The following TNR variants were observed in gnomAD, a reference collection of about 807,000 sequenced individuals.
TNR encodes the protein tenascin R.
A neutral mutation model predicts 150.4 loss-of-function variants in TNR; 45 were observed. The ratio of observed to expected loss-of-function variants is 0.30; its 90% CI spans 0.24 to 0.38. The LOEUF is 0.38. TNR is among the 10% of genes least tolerant of loss of function. TNR has a pLI of 1.00. For missense variants in TNR, 1,544 were observed against 1,759.1 expected (o/e 0.88, Z 2.19); for synonymous variants, 687 against 678.4 (o/e 1.01, Z -0.20).
At chr1:175,360,813 A>G (rs757547580) in intron 14 of TNR, among the ~76,000 whole-genome samples, 4 of 152,232 alleles carry the variant, frequency 2.6e-5, no homozygotes, top group Non-Finnish European at 5.9e-5. Context: ...TGAGACATGC[A>G]TGATACCACG....
chr1:175,431,911 A>ATCTCTCTCTCTCTCTCTCTCTCTCCT (rs1553221254), intron 2 of TNR, among the ~76,000 whole-genome samples: 1 of 136,470 alleles, frequency 7.3e-6, no homozygotes, highest in African/African-American at 3.0e-5. Flanking sequence ...GGACCATAAT[A>ATCTCTCTCTCTCTCTCTCTCTCTCCT]TCTCTCTCTC....
At chr1:175,662,155 G>A (rs1371077968) in intron 1 of TNR, among the ~76,000 whole-genome samples, 1 of 152,190 alleles carries the variant, frequency 6.6e-6, no homozygotes. Flanking sequence ...AATAGTAGTT[G>A]TCAGAAATCC....
chr1:175,362,626 A>T (rs1313398612), intron 14 of TNR, 37 bp downstream of exon 14: 1 of 1,598,740 alleles, frequency 6.3e-7, no homozygotes, highest in South Asian at 1.1e-5. Flanking sequence ...ATCTTCAGCC[A>T]GGGTTCTGAC....
intron 1 of TNR, among the ~76,000 whole-genome samples, chr1:175,579,292 T>C (rs184143353): frequency 4.5e-4 from 68 of 152,184 alleles, no homozygotes; most frequent in Admixed American, 1.8e-3. Context: ...CATCATTATA[T>C]AACACAAGAT....
chr1:175,672,920 G>A (rs902948717), intron 1 of TNR, among the ~76,000 whole-genome samples: 1 of 152,096 alleles, frequency 6.6e-6, no homozygotes, highest in Non-Finnish European at 1.5e-5. Context: ...TTCCAAGTCT[G>A]CATGTCTCTG....
intron 1 of TNR, among the ~76,000 whole-genome samples, chr1:175,725,986 C>T (rs1303697351): frequency 1.3e-5 from 2 of 152,086 alleles, no homozygotes; most frequent in Non-Finnish European, 2.9e-5. Flanking sequence ...GTGCCAAGTA[C>T]ATAAAAACTG....
intron 4 of TNR, among the ~76,000 whole-genome samples, chr1:175,398,042 G>C (rs1282958740): frequency 6.6e-6 from 1 of 152,132 alleles, no homozygotes; most frequent in Non-Finnish European, 1.5e-5. Context: ...TTCTCCCCTG[G>C]GTAATCTCAC....
chr1:175,477,589 T>C (rs1025724951), intron 2 of TNR, among the ~76,000 whole-genome samples: 5 of 152,162 alleles, frequency 3.3e-5, no homozygotes, highest in African/African-American at 1.2e-4. Flanking sequence ...CTAATGAAAA[T>C]GGACAAGCCC....
At chr1:175,521,329 A>C (rs2102169889) in intron 2 of TNR, among the ~76,000 whole-genome samples, 1 of 152,286 alleles carries the variant, frequency 6.6e-6, no homozygotes, top group East Asian at 1.9e-4. Context: ...TGTTAGTCAT[A>C]CGAGAATTCA....
Position 175,416,849 on chromosome 1 carries a change from A to G in TNR, c.-63-10072T>C, listed in dbSNP as rs1021351955. 3.9e-5 allele frequency among the ~76,000 whole-genome samples: 6 copies of G among 152,144 alleles called. No individual in the cohort carries two copies. The East Asian group carries it at 7.7e-4, about 20-fold the overall frequency. On this transcript the variant is annotated intron_variant, in intron 2 of 22. Transcript: ENST00000367674. ...CCGGGAAACCCCGTCTCTACTAAAA[A>G]TACAAAAAATTAGCCAGGCGTGGTG...
In TNR at chr1:175,583,146, A is replaced by G. The variant is rs144573007; in HGVS notation, c.-164-54777T>C. Among the ~76,000 whole-genome samples, 937 of 152,314 alleles carry G rather than the reference A, an allele frequency of 6.2e-3. 8 individuals carry two copies. Among genetic ancestry groups the G allele is most frequent in the African/African-American group, 0.022 (901 of 41,552 alleles). On this transcript the variant is annotated intron_variant, in intron 1 of 22. Transcript: ENST00000367674. ...GGGCAAAGAGAGGGCCAGAGGAAATAATTCCTCCTACCTCAACCCCCTAGA... is the reference window on the plus strand; with the variant it reads ...GGGCAAAGAGAGGGCCAGAGGAAATGATTCCTCCTACCTCAACCCCCTAGA...
At chr1:175,630,185 C>G (rs901743882) in intron 1 of TNR, among the ~76,000 whole-genome samples, 2 of 152,182 alleles carry the variant, frequency 1.3e-5, no homozygotes, top group Non-Finnish European at 2.9e-5. Flanking sequence ...CGATAGGTTA[C>G]TTTTATGCTC....
chr1:175,652,462 A>G (rs1319208616), intron 1 of TNR, among the ~76,000 whole-genome samples: 1 of 152,138 alleles, frequency 6.6e-6, no homozygotes, highest in Non-Finnish European at 1.5e-5. Flanking sequence ...CTGAAAATAA[A>G]CAAAAAAGGG....
chr1:175,729,051 G>T (rs1010079643), intron 1 of TNR, among the ~76,000 whole-genome samples: 6 of 152,114 alleles, frequency 3.9e-5, no homozygotes, highest in Non-Finnish European at 8.8e-5. Flanking sequence ...GACACATCTT[G>T]GTGAAACTCA....
chr1:175,707,879 C>T (rs1213594634), intron 1 of TNR, among the ~76,000 whole-genome samples: 1 of 152,042 alleles, frequency 6.6e-6, no homozygotes, highest in East Asian at 1.9e-4. Flanking sequence ...AAGTAATTGC[C>T]TAGGTTTGCT....
intron 1 of TNR, among the ~76,000 whole-genome samples, chr1:175,574,152 C>G (rs1571625513): frequency 6.6e-6 from 1 of 152,264 alleles, no homozygotes; most frequent in African/African-American, 2.4e-5. Flanking sequence ...TAGTTAAGTG[C>G]TGTGGATCTA....
At chr1:175,341,567 T>A (rs1426227532) in intron 18 of TNR, among the ~76,000 whole-genome samples, 2 of 152,210 alleles carry the variant, frequency 1.3e-5, no homozygotes, top group African/African-American at 4.8e-5. Flanking sequence ...TGACACGCAG[T>A]GCAGTCAGGG....
intron 9 of TNR, among the ~76,000 whole-genome samples, chr1:175,378,323 TTC>T (rs1652506948): frequency 6.6e-6 from 1 of 151,632 alleles, no homozygotes; most frequent in Non-Finnish European, 1.5e-5. Flanking sequence ...CATTCATTCA[TTC>T]ATTCATTCAG....
intron 1 of TNR, among the ~76,000 whole-genome samples, chr1:175,628,849 T>C (rs1664239103): frequency 6.6e-6 from 1 of 152,226 alleles, no homozygotes; most frequent in Non-Finnish European, 1.5e-5. Flanking sequence ...ATCAGATCCC[T>C]CTGGGCCTGC....
Sources: allele counts gnomAD v4.1 joint callset (sites outside exome capture counted in the v4.1 genomes callset), GRCh38; gene constraint gnomAD v4.1.1; transcripts MANE v1.5; gene names NCBI Gene and HGNC (gene_info 2026-07-23, HGNC 2026-07-21).